Variants in LRP2 observed in about 807,000 individuals in gnomAD.
LRP2 encodes low-density lipoprotein receptor-related protein 2.
LRP2 carries 172 observed loss-of-function variants against 531.0 expected under a neutral mutation model. The ratio of observed to expected loss-of-function variants is 0.32; its 90% CI spans 0.29 to 0.37. LRP2 has a LOEUF of 0.37. LRP2 is among the 10% of genes least tolerant of loss of function. The pLI, the probability that LRP2 is intolerant of heterozygous loss-of-function variation, is 1.00. For missense variants in LRP2, 5,167 were observed against 5,868.3 expected, an observed-to-expected ratio of 0.88 and a Z score of 3.90; for synonymous variants, 1,992 against 2,027.6, an observed-to-expected ratio of 0.98 and a Z score of 0.47.
Position 169,206,404 on chromosome 2 carries a change from A to T in LRP2, c.7316T>A (p.Leu2439Ter). ...VSDRIYFTQNLASGVGQISYA... is the reference protein window; with the variant it reads ...VSDRIYFTQN ...GGAAATCTGTCCAACTCCAGAGGCT[A>T]AATTTTGTGTGAAGTAGATTCTATC... The change falls in exon 39 of 79, where the codon TTA becomes TAA. Residue 2439 changes from leucine to a stop codon, truncating the protein, a stop_gained. Coordinates refer to ENST00000649046, the MANE Select transcript of LRP2 (RefSeq NM_004525.3). LOFTEE classifies it high-confidence loss of function. The T allele has an allele frequency of 6.2e-7, 1 of 1,614,152 alleles. No homozygotes were observed. The highest frequency in any genetic ancestry group is 8.5e-7 in the Non-Finnish European group (1 of 1,180,010).
chr2:169,207,562 A>G (rs1174047675), intron 38 of LRP2, among the ~76,000 whole-genome samples: 1 of 152,218 alleles, frequency 6.6e-6, no homozygotes, highest in South Asian at 2.1e-4. Flanking sequence ...CTCCTTTTCT[A>G]TCTGAAGCTC....
chr2:169,156,320 G>A lies in LRP2; in HGVS notation c.12105C>T (p.Gly4035=). ...CAGGGCGGTCACTCATAGACGTGAA[G>A]CCATCAGCACAGACACACTCATAAC... The part of the protein sequence containing the change: ...KGSYECVCAD[G]FTSMSDRPGK... The change falls in exon 65 of 79, where the codon GGC becomes GGT. Residue 4035 remains glycine, a synonymous_variant. Transcript: ENST00000649046. 1.2e-6 allele frequency: 2 copies of A among 1,613,688 alleles called. No individual in the cohort carries two copies. Among genetic ancestry groups the A allele is most frequent in the Admixed American group, 1.7e-5 (1 of 59,978 alleles).
In LRP2 at chr2:169,150,914, C is replaced by A; in HGVS notation, c.12574G>T (p.Val4192Leu). Residue 4192 changes from valine (V) to leucine (L), a missense_variant, in exon 68 of 79, where the codon GTG becomes TTG. By Grantham distance (32) the Val-to-Leu change is conservative. Around this residue, in one of 6 missense-constraint regions of LRP2, gnomAD observed 564 missense variants for 747.7 expected, o/e 0.75. Transcript: ENST00000649046. ...TDLDQPAAIA[V>L]NPKLGLMFWT... ...AGTACTTACCCTAGTTTGGGATTCA[C>A]AGCAATAGCAGCTGGTTGGTCCAGG... The A allele has an allele frequency of 6.2e-7, 1 of 1,614,074 alleles. No individual in the cohort carries two copies. The highest frequency in any genetic ancestry group is 1.1e-5 in the South Asian group (1 of 91,070).
chr2:169,294,526 G>A (rs1412956142), intron 5 of LRP2, 74 bp downstream of exon 5: 7 of 1,061,262 alleles, frequency 6.6e-6, no homozygotes, highest in Non-Finnish European at 1.0e-5. Context: ...GGGAAGAGAT[G>A]TACATATTGG....
At chr2:169,156,505 A>G in intron 64 of LRP2, 100 bp from the exon 65 acceptor site, 1 of 1,284,992 alleles carries the variant, frequency 7.8e-7, no homozygotes, top group South Asian at 1.2e-5. Context: ...ATGAGGACCG[A>G]GAAGGGTACA....
chr2:169,170,930 T>G (rs868054257), intron 58 of LRP2, among the ~76,000 whole-genome samples: 19 of 146,628 alleles, frequency 1.3e-4, no homozygotes, highest in African/African-American at 4.5e-4. Flanking sequence ...TGTTTTTTTT[T>G]TTTTTTTTTT....
At position 169,294,145 on chromosome 2, in the gene LRP2, T is replaced by C; in HGVS notation, c.652+3A>G. The C allele has an allele frequency of 1.3e-6, 2 of 1,594,558 alleles. No homozygotes were observed. Among genetic ancestry groups the C allele is most frequent in the Non-Finnish European group, 1.7e-6 (2 of 1,162,440 alleles). ...ATGACCCAGCATAAAGAAATCACCG[T>C]ACTGCAAGCATGTTCGTCACTGCCG... is the stretch of plus-strand genomic sequence containing the variant. On this transcript the variant is annotated splice_donor_region_variant and intron_variant, in intron 6 of 78. Coordinates refer to ENST00000649046, the MANE Select transcript of LRP2 (RefSeq NM_004525.3).
rs558608884 is a variant in LRP2, at chr2:169,235,945, A to G, written c.4815T>C (p.Ile1605=). ...AGTAGAGCAGTCTGTTGGGGTAGTCAATAGTTAAGCCGCAGGGCCAGAAGA... is the reference window on the plus strand; with the variant it reads ...AGTAGAGCAGTCTGTTGGGGTAGTCGATAGTTAAGCCGCAGGGCCAGAAGA... The part of the protein sequence containing the change: ...DKIFWPCGLT[I]DYPNRLLYFM... The change falls in exon 29 of 79, where the codon ATT becomes ATC. Residue 1605 remains isoleucine (I), a synonymous_variant. Coordinates refer to ENST00000649046, the MANE Select transcript of LRP2 (RefSeq NM_004525.3). 2 of 1,614,150 alleles carry G rather than the reference A, an allele frequency of 1.2e-6. No homozygotes were observed. Among genetic ancestry groups the G allele is most frequent in the Admixed American group, 3.3e-5 (2 of 60,018 alleles).
intron 42 of LRP2, among the ~76,000 whole-genome samples, chr2:169,203,721 C>T (rs979598595): frequency 3.9e-5 from 6 of 152,212 alleles, no homozygotes; most frequent in African/African-American, 1.2e-4. Context: ...CCCGCCACTG[C>T]ACTCCAGCCT....
chr2:169,141,722 T>C (rs1232026453), intron 71 of LRP2, among the ~76,000 whole-genome samples: 1 of 152,192 alleles, frequency 6.6e-6, no homozygotes, highest in Non-Finnish European at 1.5e-5. Context: ...AAACAATCTA[T>C]CCACAGCATG....
chr2:169,264,722 C>T (rs1051239892), intron 16 of LRP2, among the ~76,000 whole-genome samples: 2 of 151,976 alleles, frequency 1.3e-5, no homozygotes, highest in Non-Finnish European at 2.9e-5. Context: ...AGTGCACTCA[C>T]ACTCAGAGGC....
In LRP2 at chr2:169,256,197, T is replaced by G. The variant is rs145925834; in HGVS notation, c.2679A>C (p.Lys893Asn). 16 of 1,612,898 alleles carry G rather than the reference T, an allele frequency of 9.9e-6. No individual in the cohort carries two copies. In the African/African-American group the frequency reaches 1.9e-4, roughly 19 times the overall value. The stretch of plus-strand genomic sequence containing the variant: ...AACCATCAAAGGTGCTGTGCTCAAT[T>G]TTATCAAAATAGGCATCTACCCAGT... ...RLYWVDAYFDKIEHSTFDGLD... is the reference protein window; with the variant it reads ...RLYWVDAYFDNIEHSTFDGLD... The change falls in exon 19 of 79, where the codon AAA becomes AAC. Residue 893 changes from lysine (K) to asparagine (N), a missense_variant. Physicochemically the swap from Lys to Asn is moderately conservative, Grantham distance 94. Transcript: ENST00000649046.
rs532638393 is a variant in LRP2 at position 169,274,052 on chromosome 2, G to C, written c.1975+984C>G. On this transcript the variant is annotated intron_variant, in intron 14 of 78. Coordinates refer to ENST00000649046, the MANE Select transcript of LRP2 (RefSeq NM_004525.3). Reference sequence around the variant, plus strand: ...TGTCATTTCTAGTGGTTGGGCTTTTGTTAAGTTAACCTCATTACTTTGCAG... The same window carrying C: ...TGTCATTTCTAGTGGTTGGGCTTTTCTTAAGTTAACCTCATTACTTTGCAG... 3.3e-5 allele frequency among the ~76,000 whole-genome samples: 5 copies of C among 152,274 alleles called. No individual in the cohort carries two copies. In the South Asian group the frequency reaches 8.3e-4, roughly 25 times the overall value.
At chr2:169,164,105 G>A (rs1376393028) in intron 62 of LRP2, among the ~76,000 whole-genome samples, 3 of 152,198 alleles carry the variant, frequency 2.0e-5, no homozygotes, top group Non-Finnish European at 4.4e-5. Context: ...GCTAACATGT[G>A]TCATCCCAGC....
chr2:169,246,269 G>A (rs1690000425), intron 21 of LRP2, among the ~76,000 whole-genome samples: 1 of 151,988 alleles, frequency 6.6e-6, no homozygotes, highest in Non-Finnish European at 1.5e-5. Flanking sequence ...ATGTATACAT[G>A]TGCCATTTTA....
chr2:169,208,685 G>A (rs779084195), intron 38 of LRP2, among the ~76,000 whole-genome samples: 5 of 152,112 alleles, frequency 3.3e-5, no homozygotes, highest in African/African-American at 9.7e-5. Context: ...TCAAACTCTT[G>A]ACCTCAGGTG....
Position 169,145,944 on chromosome 2 carries a change from A to T in LRP2, c.12812-21T>A, listed in dbSNP as rs371504003. On this transcript the variant is annotated intron_variant, in intron 69 of 78. Transcript: ENST00000649046. ...CATTGCTGCTTACCCACAGGGGAAA[A>T]ACAAAACAGAAGGTTATTGAAAAGA... 6 of 1,612,792 alleles carry T rather than the reference A, an allele frequency of 3.7e-6. No individual in the cohort carries two copies. In the African/African-American group the frequency reaches 6.7e-5, roughly 18 times the overall value.
chr2:169,142,693 G>A lies in LRP2; in HGVS notation c.13089C>T (p.Ser4363=), dbSNP rs1574067344. The A allele has an allele frequency of 3.7e-6, 6 of 1,614,022 alleles. No homozygotes were observed. Among genetic ancestry groups the A allele is most frequent in the Non-Finnish European group, 3.4e-6 (4 of 1,179,918 alleles). The change falls in exon 71 of 79, where the codon AGC becomes AGT. Residue 4363 remains serine, a synonymous_variant. Transcript: ENST00000649046. The stretch of plus-strand genomic sequence containing the variant: ...TCCTACCTGCATCACACTCAGTGGT[G>A]CTCCCCTCTATAAAGCTGGAGCCTT... ...CPQGSSFIEG[S]TTECDAAIEL...
At position 169,243,006 on chromosome 2, in the gene LRP2, C is replaced by A; in HGVS notation, c.3617G>T (p.Arg1206Leu). 1.2e-6 allele frequency: 2 copies of A among 1,614,080 alleles called. No homozygotes were observed. Among genetic ancestry groups the A allele is most frequent in the South Asian group, 2.2e-5 (2 of 91,068 alleles). Residue 1206 changes from arginine to leucine, a missense_variant, in exon 24 of 79, where the codon CGT (arginine) becomes CTT (leucine). This residue lies in a region of LRP2 where 2,811 missense variants were observed against 3,058.0 expected (regional missense o/e 0.92). Transcript: ENST00000649046. ...SGDKCIGVTN[R>L]CDGVFDCSDN... is the part of the protein sequence containing the mutation. Reference sequence around the variant, plus strand: ...ACTGCAATCAAAAACACCATCACAACGATTTGTGACGCCAATACATTTATC... The same window carrying A: ...ACTGCAATCAAAAACACCATCACAAAGATTTGTGACGCCAATACATTTATC...
Sources: gnomAD v4.1 joint callset for allele counts (sites outside exome capture counted in the v4.1 genomes callset) on GRCh38, gnomAD v4.1.1 for gene constraint, gnomAD v4.1.1 regional missense constraint, MANE v1.5 for transcripts, NCBI Gene and HGNC (gene_info 2026-07-23, HGNC 2026-07-21) for gene names.